The following U2SURP variants were observed in gnomAD, a reference collection of about 807,000 sequenced individuals.
U2SURP encodes the protein U2 snRNP associated SURP domain containing.
Under a neutral mutation model 144.9 loss-of-function variants are expected in U2SURP, and 9 were observed. The observed-to-expected ratio is 0.06, with a 90% CI of 0.04 to 0.11. The LOEUF (loss-of-function observed/expected upper bound fraction) is 0.11, where lower values mean the gene tolerates loss of function less well. Ranked by LOEUF, U2SURP falls within the 10% of genes least tolerant of loss-of-function variation. The probability of loss-of-function intolerance (pLI) is 1.00; values close to 1 mark genes in which losing one functional copy is unlikely to be tolerated. For synonymous variants in U2SURP, 408 were observed against 396.8 expected (o/e 1.03, Z -0.33); for missense variants, 724 against 1,226.7 (o/e 0.59, Z 6.12).
intron 1 of U2SURP, among the ~76,000 whole-genome samples, chr3:143,007,506 A>G (rs1935905324): frequency 7.2e-6 from 1 of 138,112 alleles, no homozygotes; most frequent in South Asian, 2.2e-4. Context: ...CAGTAGTGCT[A>G]TCTCAGCTCA....
At chr3:143,055,254 C>G (rs1378677683) in intron 27 of U2SURP, 135 bp downstream of exon 27, 4 of 777,616 alleles carry the variant, frequency 5.1e-6, no homozygotes, top group East Asian at 2.9e-5. Flanking sequence ...GATACACTTT[C>G]ATTTTTGGTT....
rs1014962927 is a variant in U2SURP, at chr3:143,038,786, A to T, written c.2318-108A>T. ...GAATTGATAAACATAGATTAAAAAA[A>T]CTTCTGTAATATAAACTTTTCAATT... On this transcript the variant is annotated intron_variant, in intron 22 of 27. Coordinates refer to ENST00000473835, the MANE Select transcript of U2SURP (RefSeq NM_001080415.2). 3 of 730,862 alleles carry T rather than the reference A, an allele frequency of 4.1e-6. No homozygotes were observed. In the African/African-American group the frequency reaches 5.7e-5, roughly 14 times the overall value. The allele number at this position is 730,862 out of a possible 1,614,324, so 45.3% of individuals were successfully genotyped here.
intron 3 of U2SURP, among the ~76,000 whole-genome samples, chr3:143,013,640 G>A (rs1024789134): frequency 6.6e-6 from 1 of 151,984 alleles, no homozygotes; most frequent in Admixed American, 6.6e-5. Flanking sequence ...TACAGACAAT[G>A]TATTCAGGCT....
intron 23 of U2SURP, among the ~76,000 whole-genome samples, chr3:143,042,454 T>A (rs772635217): frequency 7.2e-5 from 11 of 152,134 alleles, no homozygotes; most frequent in Admixed American, 6.5e-5. Context: ...TAATTTTTTT[T>A]AATTTTCATT....
Position 143,014,308 on chromosome 3 carries a change from T to C in U2SURP, c.223-3T>C, listed in dbSNP as rs1391747569. 1.3e-6 allele frequency: 2 copies of C among 1,586,822 alleles called. No individual in the cohort carries two copies. Among genetic ancestry groups the C allele is most frequent in the Non-Finnish European group, 1.7e-6 (2 of 1,164,776 alleles). On this transcript the variant is annotated splice_region_variant and splice_polypyrimidine_tract_variant and intron_variant, in intron 3 of 27. Transcript: ENST00000473835. The stretch of plus-strand genomic sequence containing the variant: ...ATGTAAAAGTATGCTTTTTATTTCT[T>C]AGCCTCTTCTGGAAAACAAACTTAA...
rs1256312063 is a variant in U2SURP, at chr3:143,052,181, G to A, written c.2655+1132G>A. ...CAATCACCTCAGGCAAATCACCTGA[G>A]GTCAGGAGTTCAAGACCAGCCTGAC... On this transcript the variant is annotated intron_variant, in intron 25 of 27. Transcript: ENST00000473835. Among the ~76,000 whole-genome samples, 3 of 152,240 alleles carry A rather than the reference G, an allele frequency of 2.0e-5. No homozygotes were observed. The East Asian group carries it at 5.8e-4, about 29-fold the overall frequency.
At chr3:143,009,019 C>A (rs146703123) in intron 1 of U2SURP, among the ~76,000 whole-genome samples, 1 of 152,134 alleles carries the variant, frequency 6.6e-6, no homozygotes, top group Non-Finnish European at 1.5e-5. Context: ...GGATTACAGG[C>A]GTGAGCCACT....
chr3:143,037,272 C>A lies in U2SURP; in HGVS notation c.2158C>A (p.Pro720Thr). ...AGATGGAATTCCTATTGATGCTACT[C>A]CCATCGATGATCTTGATGGAGTCCC... ...DVDGIPIDAT[P>T]IDDLDGVPIK... The change falls in exon 21 of 28, where the codon CCC becomes ACC. Residue 720 changes from proline to threonine, a missense_variant. By Grantham distance (38) the Pro-to-Thr change is conservative. Transcript: ENST00000473835. 1 of 1,612,588 alleles carries A rather than the reference C, an allele frequency of 6.2e-7. No individual in the cohort carries two copies. The highest frequency in any genetic ancestry group is 8.5e-7 in the Non-Finnish European group (1 of 1,179,218).
Position 143,016,698 on chromosome 3 carries a change from GAT to G in U2SURP, c.437-141_437-140del, listed in dbSNP as rs1052944843. 3 of 730,612 alleles carry G rather than the reference GAT, an allele frequency of 4.1e-6. No individual in the cohort carries two copies. The Admixed American group carries it at 1.1e-4, about 27-fold the overall frequency. 45.3% of individuals were successfully genotyped at this position (730,612 alleles called of 1,614,324 possible). A position where few individuals can be genotyped will look rare whatever the true frequency, so the allele number is the denominator to read the frequency against. The stretch of plus-strand genomic sequence containing the variant: ...ATGATTAAATTAGCATTATTGAGGT[GAT>G]ATTTGAATTTAATTTCATATTTGTT... On this transcript the variant is annotated intron_variant, in intron 5 of 27. Coordinates refer to ENST00000473835, the MANE Select transcript of U2SURP (RefSeq NM_001080415.2).
intron 24 of U2SURP, among the ~76,000 whole-genome samples, chr3:143,044,181 T>C (rs1934274312): frequency 6.6e-6 from 1 of 151,854 alleles, no homozygotes. Context: ...TGAAGGAGAA[T>C]AGACATTGAG....
At chr3:143,053,541 T>A in intron 25 of U2SURP, 135 bp from the exon 26 acceptor site, 1 of 621,582 alleles carries the variant, frequency 1.6e-6, no homozygotes, top group Non-Finnish European at 2.5e-6. Context: ...GTAGATTTTT[T>A]TTTTTTTAAT....
chr3:143,031,689 G>A (rs1933507101), intron 16 of U2SURP, among the ~76,000 whole-genome samples: 1 of 152,182 alleles, frequency 6.6e-6, no homozygotes, highest in Non-Finnish European at 1.5e-5. Context: ...AAACTTATGT[G>A]ATTGGCTATA....
intron 3 of U2SURP, 55 bp downstream of exon 3, chr3:143,012,408 C>A: frequency 6.9e-7 from 1 of 1,452,606 alleles, no homozygotes; most frequent in Non-Finnish European, 9.1e-7. Flanking sequence ...TGATTTTAAT[C>A]TGTCTTTGAC....
chr3:143,014,562 C>T (rs1055456026), intron 4 of U2SURP, among the ~76,000 whole-genome samples, 153 bp downstream of exon 4: 11 of 151,974 alleles, frequency 7.2e-5, no homozygotes, highest in African/African-American at 2.7e-4. Context: ...ACATATATTC[C>T]TAGGAGTTGA....
At chr3:143,020,577 T>C (rs1208529313) in intron 7 of U2SURP, 22 bp from the exon 8 acceptor site, 1 of 1,581,162 alleles carries the variant, frequency 6.3e-7, no homozygotes, top group South Asian at 1.1e-5. Flanking sequence ...TCATTATAAG[T>C]GATTGTAAAT....
Position 143,037,276 on chromosome 3 carries a change from T to G in U2SURP, c.2162T>G (p.Ile721Ser). 6.2e-7 allele frequency: 1 copy of G among 1,612,786 alleles called. No homozygotes were observed. Among genetic ancestry groups the G allele is most frequent in the Non-Finnish European group, 8.5e-7 (1 of 1,179,330 alleles). ...GGAATTCCTATTGATGCTACTCCCA[T>G]CGATGATCTTGATGGAGTCCCTATA... ...VDGIPIDATPIDDLDGVPIKS... is the reference protein window; with the variant it reads ...VDGIPIDATPSDDLDGVPIKS... The change falls in exon 21 of 28, where the codon ATC (isoleucine) becomes AGC (serine). Residue 721 changes from isoleucine (I) to serine (S), a missense_variant. Around this residue, in one of 13 missense-constraint regions of U2SURP, gnomAD observed 116 missense variants for 167.9 expected, o/e 0.69. Transcript: ENST00000473835.
intron 20 of U2SURP, 117 bp from the exon 21 acceptor site, chr3:143,037,062 T>C: frequency 1.1e-6 from 1 of 920,882 alleles, no homozygotes; most frequent in South Asian, 1.8e-5. Context: ...TCTTACATTG[T>C]ACCTCAGATT....
intron 24 of U2SURP, among the ~76,000 whole-genome samples, chr3:143,045,017 C>G (rs1934346889): frequency 6.6e-6 from 1 of 152,152 alleles, no homozygotes; most frequent in East Asian, 1.9e-4. Flanking sequence ...AGTGAACACA[C>G]TCACCTGTGC....
intron 23 of U2SURP, among the ~76,000 whole-genome samples, chr3:143,039,599 A>ATTTTTTTTTT (rs10706682): frequency 7.3e-6 from 1 of 136,792 alleles, no homozygotes. Context: ...AGGGAGTTGA[A>ATTTTTTTTTT]TTTTTTTTTT....
Sources: gnomAD v4.1 joint callset for allele counts (sites outside exome capture counted in the v4.1 genomes callset) on GRCh38, gnomAD v4.1.1 for gene constraint, gnomAD v4.1.1 regional missense constraint, MANE v1.5 for transcripts, NCBI Gene and HGNC (gene_info 2026-07-23, HGNC 2026-07-21) for gene names.